Variants in GPRIN3 observed in about 807,000 individuals in gnomAD.
The protein encoded by GPRIN3 is G protein-regulated inducer of neurite outgrowth 3.
Under a neutral mutation model 13.7 loss-of-function variants are expected in GPRIN3, and 12 were observed. The ratio of observed to expected loss-of-function variants is 0.87; its 90% confidence interval spans 0.56 to 1.42. The LOEUF is 1.42. GPRIN3 is among the 40% of genes most tolerant of loss of function. The pLI, the probability that GPRIN3 is intolerant of heterozygous loss-of-function variation, is 0.00. For synonymous variants in GPRIN3, 377 were observed against 372.7 expected, an observed-to-expected ratio of 1.01 and a Z score of -0.13; for missense variants, 1,009 against 958.7, an observed-to-expected ratio of 1.05 and a Z score of -0.69.
chr4:89,254,394 C>T (rs1054165332), intron 1 of GPRIN3, among the ~76,000 whole-genome samples: 1 of 152,074 alleles, frequency 6.6e-6, no homozygotes, highest in Non-Finnish European at 1.5e-5. Flanking sequence ...CACTCTCCAC[C>T]CTCTGATAGG....
rs775915253 is a variant in GPRIN3, at chr4:89,249,774, G to T, written c.337C>A (p.Pro113Thr). ...AGATCCCTTCCTGCTGCAGAACTCG[G>T]GGCTGATGCTGCGGGCTGGCTGCTC... Reference protein sequence around the residue: ...PGSSQPAASAPSSAAGRDLIH... With the variant: ...PGSSQPAASATSSAAGRDLIH... Residue 113 changes from proline to threonine, a missense_variant, in exon 2 of 2, where the codon CCG becomes ACG. Physicochemically the swap from Pro to Thr is conservative, Grantham distance 38. Coordinates refer to ENST00000609438, the MANE Select transcript of GPRIN3 (RefSeq NM_198281.3). 1.2e-6 allele frequency: 2 copies of T among 1,614,074 alleles called. No individual in the cohort carries two copies. Among genetic ancestry groups the T allele is most frequent in the Non-Finnish European group, 1.7e-6 (2 of 1,180,028 alleles).
chr4:89,307,165 T>G (rs892841013), intron 1 of GPRIN3, among the ~76,000 whole-genome samples: 7 of 152,028 alleles, frequency 4.6e-5, no homozygotes, highest in African/African-American at 1.4e-4. Context: ...CATATGCATT[T>G]ATGTATGTGT....
intron 1 of GPRIN3, among the ~76,000 whole-genome samples, chr4:89,281,805 A>G (rs1363968594): frequency 6.6e-6 from 1 of 152,166 alleles, no homozygotes; most frequent in Non-Finnish European, 1.5e-5. Context: ...TCTTTCTTGC[A>G]TTGCTAATAA....
At chr4:89,258,571 G>A (rs1018337682) in intron 1 of GPRIN3, among the ~76,000 whole-genome samples, 3 of 152,100 alleles carry the variant, frequency 2.0e-5, no homozygotes, top group African/African-American at 7.2e-5. Context: ...GGAAAAATGT[G>A]ATAAGACAAA....
rs751074097 is a variant in GPRIN3 at position 89,238,678 on chromosome 4, T to C, written c.*9102A>G. 6 of 152,188 alleles carry C rather than the reference T, an allele frequency of 3.9e-5. No individual in the cohort carries two copies. The highest frequency in any genetic ancestry group is 8.8e-5 in the Non-Finnish European group (6 of 68,036). The allele number at this position is 152,188 out of a possible 1,614,324, so 9.4% of individuals were successfully genotyped here. ...TGACCAGGAGGAATTGTTGATTCTA[T>C]GGGAATTCTATTTTAATTAAAGAAA... On this transcript the variant is annotated 3_prime_UTR_variant, in exon 2 of 2. Transcript: ENST00000609438.
chr4:89,301,176 G>A (rs1007857020), intron 1 of GPRIN3, among the ~76,000 whole-genome samples: 1 of 152,142 alleles, frequency 6.6e-6, no homozygotes, highest in Non-Finnish European at 1.5e-5. Flanking sequence ...ATTTCAAAGC[G>A]ATGTAATGGC....
chr4:89,301,134 T>C (rs140892808), intron 1 of GPRIN3, among the ~76,000 whole-genome samples: 257 of 152,262 alleles, frequency 1.7e-3, no homozygotes, highest in Non-Finnish European at 3.2e-3. Context: ...TTTGAGTGGA[T>C]TGAGAAACTA....
chr4:89,257,378 C>A (rs542737808), intron 1 of GPRIN3, among the ~76,000 whole-genome samples: 4 of 152,172 alleles, frequency 2.6e-5, no homozygotes, highest in African/African-American at 9.7e-5. Context: ...TTAAGAAGCA[C>A]GATGACCCTA....
chr4:89,284,167 G>A (rs977898269), intron 1 of GPRIN3, among the ~76,000 whole-genome samples: 1 of 152,214 alleles, frequency 6.6e-6, no homozygotes, highest in Non-Finnish European at 1.5e-5. Context: ...GGTGTGCTGG[G>A]CAGAATGCCC....
chr4:89,307,269 T>TCACACACA (rs57752539), intron 1 of GPRIN3, among the ~76,000 whole-genome samples: 124 of 147,272 alleles, frequency 8.4e-4, no homozygotes, highest in South Asian at 3.3e-3. Context: ...GAGACAAATG[T>TCACACACA]CACACACACA....
intron 1 of GPRIN3, among the ~76,000 whole-genome samples, chr4:89,303,761 AT>A (rs1724962126): frequency 6.7e-6 from 1 of 149,414 alleles, no homozygotes; most frequent in Admixed American, 6.7e-5. Context: ...CATTATATAT[AT>A]TTATATATAA....
rs1001041150 is a variant in GPRIN3 at position 89,246,739 on chromosome 4, A to G, written c.*1041T>C. 16 of 152,218 alleles carry G rather than the reference A, an allele frequency of 1.1e-4. No individual in the cohort carries two copies. The highest frequency in any genetic ancestry group is 2.7e-4 in the African/African-American group (11 of 41,452). 9.4% of individuals were successfully genotyped at this position (152,218 alleles called of 1,614,324 possible). On this transcript the variant is annotated 3_prime_UTR_variant, in exon 2 of 2. Transcript: ENST00000609438. ...TTGTTACTGGAAGTTACTGAACCCA[A>G]TTAAAAAAAATCACTAATTGCATCC...
chr4:89,300,696 T>C (rs1452647951), intron 1 of GPRIN3, among the ~76,000 whole-genome samples: 1 of 152,110 alleles, frequency 6.6e-6, no homozygotes, highest in Non-Finnish European at 1.5e-5. Flanking sequence ...TAAGTGCATT[T>C]TCACTCACTT....
intron 1 of GPRIN3, among the ~76,000 whole-genome samples, chr4:89,264,620 T>C (rs1723734341): frequency 6.6e-6 from 1 of 152,030 alleles, no homozygotes; most frequent in South Asian, 2.1e-4. Context: ...GAGTTCAGAA[T>C]GGCAGCTGGA....
intron 1 of GPRIN3, among the ~76,000 whole-genome samples, chr4:89,266,147 G>A (rs57471580): frequency 0.055 from 8,430 of 152,258 alleles, 706 homozygotes; most frequent in African/African-American, 0.18. Context: ...TTGAGCCAGT[G>A]ATTCTACCCC....
rs1422877769 is a variant in GPRIN3, at chr4:89,248,763, A to G, written c.1348T>C (p.Ser450Pro). 1 of 1,613,520 alleles carries G rather than the reference A, an allele frequency of 6.2e-7. No homozygotes were observed. The highest frequency in any genetic ancestry group is 8.5e-7 in the Non-Finnish European group (1 of 1,179,914). Residue 450 changes from serine (S) to proline (P), a missense_variant, in exon 2 of 2, where the codon TCA becomes CCA. Ser to Pro is a moderately conservative substitution (Grantham distance 74). Transcript: ENST00000609438. ...LAGMTPVREE[S>P]TAKKLAGTNS... ...GTACCTGCGAGCTTTTTAGCAGTTG[A>G]CTCTTCCCTCACTGGAGTCATTCCT...
chr4:89,301,889 T>C (rs1404397569), intron 1 of GPRIN3, among the ~76,000 whole-genome samples: 1 of 152,218 alleles, frequency 6.6e-6, no homozygotes, highest in African/African-American at 2.4e-5. Flanking sequence ...TGTGAGTTTT[T>C]ACTCTTCCAG....
intron 1 of GPRIN3, among the ~76,000 whole-genome samples, chr4:89,297,384 TTTTTG>T (rs376219871): frequency 4.1e-4 from 62 of 152,250 alleles, no homozygotes; most frequent in Admixed American, 1.4e-3. Context: ...CTCAAGTGTT[TTTTTG>T]TTTTGTTTTG....
chr4:89,291,830 C>CTTTTTTTTTTTTTTTTTTTTT (rs33981386), intron 1 of GPRIN3, among the ~76,000 whole-genome samples: 2 of 115,868 alleles, frequency 1.7e-5, no homozygotes, highest in Non-Finnish European at 1.9e-5. Flanking sequence ...ACTGTCAGGG[C>CTTTTTTTTTTTTTTTTTTTTT]TTTTTTTTTT....
Sources: gnomAD v4.1 joint callset for allele counts (sites outside exome capture counted in the v4.1 genomes callset) on GRCh38, gnomAD v4.1.1 for gene constraint, MANE v1.5 for transcripts, NCBI Gene and HGNC (gene_info 2026-07-23, HGNC 2026-07-21) for gene names.